ETS1: variants seen among roughly 807,000 people sequenced by gnomAD.
The protein encoded by ETS1 is ETS proto-oncogene 1, transcription factor, also known as protein C-ets-1.
ETS1 carries 15 observed loss-of-function variants against 58.6 expected under a neutral mutation model. The observed-to-expected ratio is 0.26, with a 90% CI of 0.17 to 0.39. The LOEUF is 0.39. Among genes scored for constraint, ETS1 ranks in the 10% least tolerant of loss-of-function variants. ETS1 has a pLI of 1.00. For synonymous variants in ETS1, 214 were observed against 218.2 expected, an observed-to-expected ratio of 0.98 and a Z score of 0.17; for missense variants, 417 against 610.5, an observed-to-expected ratio of 0.68 and a Z score of 3.34.
intron 3 of ETS1, among the ~76,000 whole-genome samples, chr11:128,509,343 G>C (rs1338665307): frequency 6.6e-6 from 1 of 152,172 alleles, no homozygotes; most frequent in African/African-American, 2.4e-5. Context: ...GCATCAAGTA[G>C]CTTCAAGCCC....
intron 1 of ETS1, among the ~76,000 whole-genome samples, chr11:128,581,252 T>G (rs1208529751): frequency 6.6e-6 from 1 of 152,210 alleles, no homozygotes; most frequent in East Asian, 1.9e-4. Context: ...GGTCTAGGAA[T>G]CTAACTAAGA....
At chr11:128,583,930 C>T (rs1864924639) in intron 1 of ETS1, among the ~76,000 whole-genome samples, 1 of 152,148 alleles carries the variant, frequency 6.6e-6, no homozygotes, top group East Asian at 1.9e-4. Context: ...GCTCTAGATA[C>T]CATTTTTTTC....
intron 3 of ETS1, among the ~76,000 whole-genome samples, chr11:128,529,729 A>G (rs1325964553): frequency 1.3e-5 from 2 of 152,204 alleles, no homozygotes; most frequent in Non-Finnish European, 2.9e-5. Context: ...GCCAGTAAAT[A>G]TAACATTCTT....
At position 128,463,683 on chromosome 11, in the gene ETS1, C is replaced by A; in HGVS notation, c.1124-56G>T. 1.1e-6 allele frequency: 1 copy of A among 946,794 alleles called. No individual in the cohort carries two copies. 58.6% of individuals were successfully genotyped at this position (946,794 alleles called of 1,614,324 possible). A position where few individuals can be genotyped will look rare whatever the true frequency, so the allele number is the denominator to read the frequency against. On this transcript the variant is annotated intron_variant, in intron 8 of 9. Transcript: ENST00000392668. The surrounding 1 kb of genome is among the most constrained non-coding windows in gnomAD (Gnocchi z 4.1). ...ACCAGATATTCAGCACTCTACGCAG[C>A]TAATCCCCACACACGGCACTCCCAC...
chr11:128,569,514 T>A (rs1188189709), intron 2 of ETS1, among the ~76,000 whole-genome samples: 1 of 151,738 alleles, frequency 6.6e-6, no homozygotes, highest in East Asian at 1.9e-4. Flanking sequence ...GAAGCTATGC[T>A]TACCCCTCCA....
intron 7 of ETS1, among the ~76,000 whole-genome samples, chr11:128,484,144 C>T (rs1862561851): frequency 6.6e-6 from 1 of 152,250 alleles, no homozygotes; most frequent in South Asian, 2.1e-4. Context: ...CACTTTCTTC[C>T]CTGACAGTGA....
chr11:128,479,658 C>A (rs561418957), intron 8 of ETS1, among the ~76,000 whole-genome samples: 1 of 152,280 alleles, frequency 6.6e-6, no homozygotes, highest in South Asian at 2.1e-4. Context: ...AGAGAAGGGG[C>A]ATTCTCTATA....
At chr11:128,495,529 C>T (rs1862915781) in intron 3 of ETS1, among the ~76,000 whole-genome samples, 1 of 152,220 alleles carries the variant, frequency 6.6e-6, no homozygotes, top group Non-Finnish European at 1.5e-5. Flanking sequence ...GAAAACCTGG[C>T]TTCCTTCTCT....
chr11:128,500,353 C>T (rs937641192), intron 3 of ETS1, among the ~76,000 whole-genome samples: 7 of 152,136 alleles, frequency 4.6e-5, no homozygotes, highest in African/African-American at 1.7e-4. Flanking sequence ...AACATTTTTT[C>T]ATCAATTTTG....
At chr11:128,474,371 G>A (rs1175764571) in intron 8 of ETS1, among the ~76,000 whole-genome samples, 8 of 151,828 alleles carry the variant, frequency 5.3e-5, no homozygotes, top group East Asian at 1.9e-4. Flanking sequence ...CACTTTCCAC[G>A]TTTTTTAAAA....
In ETS1 at chr11:128,484,932, C is replaced by A. The variant is rs142070153; in HGVS notation, c.753G>T (p.Ser251=). ...TCTGGAGAGGGTCTCGGAGAATGAC[C>A]GAGGGGTAGTCATTCTCATACTTGA... ...LSLKYENDYP[S]VILRDPLQTD... is the part of the protein sequence containing the mutation. The change falls in exon 7 of 10, where the codon TCG becomes TCT. Residue 251 remains serine, a synonymous_variant. Transcript: ENST00000392668. The A allele has an allele frequency of 6.2e-7, 1 of 1,613,728 alleles. No individual in the cohort carries two copies. Among genetic ancestry groups the A allele is most frequent in the Non-Finnish European group, 8.5e-7 (1 of 1,179,806 alleles).
At chr11:128,483,428 C>A (rs561575398) in intron 7 of ETS1, among the ~76,000 whole-genome samples, 5 of 151,978 alleles carry the variant, frequency 3.3e-5, no homozygotes, top group Non-Finnish European at 4.4e-5. Context: ...GAAAGTCCCA[C>A]AAGGAAGAAA....
At chr11:128,537,842 AT>A (rs778852089) in intron 3 of ETS1, among the ~76,000 whole-genome samples, 55 of 152,352 alleles carry the variant, frequency 3.6e-4, no homozygotes, top group Admixed American at 7.2e-4. Flanking sequence ...TTAAAGCTAT[AT>A]ATCCCAAATT....
chr11:128,587,444 A>G (rs1184227931), intron 1 of ETS1, 44 bp downstream of exon 1: 1 of 152,354 alleles, frequency 6.6e-6, no homozygotes, highest in African/African-American at 2.4e-5. Context: ...AAAGCAGGAA[A>G]AGGAAAATGG....
intron 4 of ETS1, 88 bp downstream of exon 4, chr11:128,490,369 A>C: frequency 7.1e-7 from 1 of 1,406,932 alleles, no homozygotes; most frequent in Non-Finnish European, 9.9e-7. Flanking sequence ...GGTTAGTGTA[A>C]CGTCTGCCTC....
At chr11:128,467,038 T>C (rs549241002) in intron 8 of ETS1, among the ~76,000 whole-genome samples, 2 of 152,310 alleles carry the variant, frequency 1.3e-5, no homozygotes, top group Admixed American at 6.5e-5. Flanking sequence ...GAGTTCATGA[T>C]GGCCGCTGAA....
intron 2 of ETS1, among the ~76,000 whole-genome samples, chr11:128,566,536 C>A (rs1194536185): frequency 6.6e-6 from 1 of 152,130 alleles, no homozygotes; most frequent in Non-Finnish European, 1.5e-5. Context: ...GTAATCCCAG[C>A]ACTTTGGGAG....
intron 8 of ETS1, among the ~76,000 whole-genome samples, chr11:128,475,886 G>GTGTGTA (rs1862310364): frequency 6.6e-6 from 1 of 151,242 alleles, no homozygotes; most frequent in Non-Finnish European, 1.5e-5. Context: ...GTACCTTTGT[G>GTGTGTA]TGTGTGTGTG....
chr11:128,536,269 G>A (rs1863971487), intron 3 of ETS1: 1 of 152,172 alleles, frequency 6.6e-6, no homozygotes, highest in African/African-American at 2.4e-5. Context: ...AATCACACCT[G>A]TTAATTTGTC....
Sources: gnomAD v4.1 joint callset for allele counts (sites outside exome capture counted in the v4.1 genomes callset) on GRCh38, gnomAD v4.1.1 for gene constraint, Gnocchi (gnomAD v3.1) non-coding constraint, MANE v1.5 for transcripts, NCBI Gene and HGNC (gene_info 2026-07-23, HGNC 2026-07-21) for gene names.